The following PCDH15 variants were observed in gnomAD, a reference collection of about 807,000 sequenced individuals.
PCDH15 encodes protocadherin related 15.
PCDH15 carries 129 observed loss-of-function variants against 178.5 expected under a neutral mutation model. That is an observed-to-expected ratio of 0.72 (90% CI 0.63 to 0.84). PCDH15 has a LOEUF of 0.84. Ranked by LOEUF, PCDH15 falls within the 40% of genes least tolerant of loss-of-function variation. PCDH15 has a pLI of 0.00. For synonymous variants in PCDH15, 800 were observed against 732.0 expected, an observed-to-expected ratio of 1.09 and a Z score of -1.50; for missense variants, 2,230 against 2,099.9, an observed-to-expected ratio of 1.06 and a Z score of -1.21.
intron 5 of PCDH15, among the ~76,000 whole-genome samples, chr10:54,351,474 A>C (rs1944173193): frequency 6.6e-6 from 1 of 152,118 alleles, no homozygotes; most frequent in Non-Finnish European, 1.5e-5. Context: ...CAATTGTAGA[A>C]ACTGGTTCAT....
intron 1 of PCDH15, among the ~76,000 whole-genome samples, chr10:54,775,783 G>A (rs893469653): frequency 1.3e-5 from 2 of 152,158 alleles, no homozygotes; most frequent in African/African-American, 4.8e-5. Flanking sequence ...TACTCGGAGA[G>A]GCTGAGGCAG....
intron 1 of PCDH15, among the ~76,000 whole-genome samples, chr10:54,675,083 C>T (rs1302665550): frequency 2.0e-5 from 3 of 152,050 alleles, no homozygotes; most frequent in Non-Finnish European, 4.4e-5. Flanking sequence ...AGTGTCAATG[C>T]TAATTGTATG....
At chr10:54,965,748 T>C (rs1001138128) in intron 2 of PCDH15, among the ~76,000 whole-genome samples, 3 of 150,848 alleles carry the variant, frequency 2.0e-5, no homozygotes, top group African/African-American at 7.3e-5. Flanking sequence ...GTAATCCTGA[T>C]TAAAAACAAC....
chr10:55,305,481 C>A (rs913097142), intron 1 of PCDH15, among the ~76,000 whole-genome samples: 1 of 152,146 alleles, frequency 6.6e-6, no homozygotes, highest in Non-Finnish European at 1.5e-5. Context: ...CAGCTGAGGC[C>A]CCCAGGCACT....
At chr10:55,100,728 T>G (rs1422633415) in intron 2 of PCDH15, among the ~76,000 whole-genome samples, 1 of 152,104 alleles carries the variant, frequency 6.6e-6, no homozygotes, top group Non-Finnish European at 1.5e-5. Flanking sequence ...GGCATAAATC[T>G]ATTCATGAGG....
chr10:55,462,587 A>G (rs943920963), intron 2 of PCDH15, among the ~76,000 whole-genome samples: 1 of 152,160 alleles, frequency 6.6e-6, no homozygotes, highest in Admixed American at 6.5e-5. Flanking sequence ...ATCCAAAGGA[A>G]ATGTATGTAA....
chr10:54,954,717 A>G (rs898327188), intron 2 of PCDH15, among the ~76,000 whole-genome samples: 1 of 151,276 alleles, frequency 6.6e-6, no homozygotes, highest in Admixed American at 6.6e-5. Context: ...TAGCTCTGGT[A>G]GGATTTTATA....
chr10:54,826,324 T>C (rs1953131995), intron 3 of PCDH15, among the ~76,000 whole-genome samples: 1 of 151,976 alleles, frequency 6.6e-6, no homozygotes, highest in South Asian at 2.1e-4. Context: ...GACATAAAGA[T>C]AGTTTAATAA....
intron 2 of PCDH15, among the ~76,000 whole-genome samples, chr10:54,654,598 A>G (rs1455555283): frequency 6.6e-6 from 1 of 152,216 alleles, no homozygotes; most frequent in African/African-American, 2.4e-5. Context: ...AAGAACTGGT[A>G]GCAACAGATA....
intron 8 of PCDH15, among the ~76,000 whole-genome samples, chr10:54,256,740 A>C (rs1199152231): frequency 6.6e-6 from 1 of 151,972 alleles, no homozygotes; most frequent in East Asian, 1.9e-4. Flanking sequence ...TTCCTTTTCC[A>C]GGTTTTTCAT....
chr10:53,965,325 TGAG>T (rs1482717624), intron 21 of PCDH15, among the ~76,000 whole-genome samples: 1 of 152,170 alleles, frequency 6.6e-6, no homozygotes, highest in Non-Finnish European at 1.5e-5. Context: ...TCCAAAGGGC[TGAG>T]ATTACAGGCG....
chr10:54,838,418 G>A (rs1202088336), intron 3 of PCDH15, among the ~76,000 whole-genome samples: 1 of 152,124 alleles, frequency 6.6e-6, no homozygotes, highest in Non-Finnish European at 1.5e-5. Flanking sequence ...TATGCAAGAG[G>A]TGCCTTTGCT....
At chr10:53,948,281 T>A (rs771568661) in intron 23 of PCDH15, among the ~76,000 whole-genome samples, 1 of 152,200 alleles carries the variant, frequency 6.6e-6, no homozygotes, top group South Asian at 2.1e-4. Context: ...ATGGATATAT[T>A]AAAGTAGCAA....
At chr10:55,051,166 A>G (rs2131987802) in intron 2 of PCDH15, among the ~76,000 whole-genome samples, 1 of 152,208 alleles carries the variant, frequency 6.6e-6, no homozygotes, top group South Asian at 2.1e-4. Context: ...CATATATTAA[A>G]TAATGCAATT....
chr10:54,006,285 C>G (rs1201241365), intron 20 of PCDH15, among the ~76,000 whole-genome samples: 5 of 152,012 alleles, frequency 3.3e-5, no homozygotes, highest in Admixed American at 3.3e-4. Flanking sequence ...AAGAACACAC[C>G]AATAGGAATC....
chr10:55,104,236 A>C (rs1038110292), intron 2 of PCDH15, among the ~76,000 whole-genome samples: 3 of 152,068 alleles, frequency 2.0e-5, no homozygotes, highest in African/African-American at 7.2e-5. Flanking sequence ...ATGCATTAAA[A>C]ACCCATTCAT....
In PCDH15 at chr10:55,317,444, A is replaced by T. The variant is rs978362579; in HGVS notation, c.-156+2155T>A. Among the ~76,000 whole-genome samples the T allele has an allele frequency of 3.9e-5, 6 of 152,050 alleles. No homozygotes were observed. The East Asian group carries it at 1.2e-3, about 30-fold the overall frequency. ...ATATCTTACCCTTTTAATGATTTTAACAACTCCAGGATATGCAAGAGAGGC... is the reference window on the plus strand; with the variant it reads ...ATATCTTACCCTTTTAATGATTTTATCAACTCCAGGATATGCAAGAGAGGC... On this transcript the variant is annotated intron_variant, in intron 1 of 5. Transcript: ENST00000458638.
intron 29 of PCDH15, among the ~76,000 whole-genome samples, chr10:53,834,326 GT>G (rs36054118): frequency 0.079 from 12,002 of 152,098 alleles, 556 homozygotes; most frequent in African/African-American, 0.1. Flanking sequence ...ATGTTAAACT[GT>G]TTTCCAATGG....
chr10:53,897,301 G>A (rs10763021), intron 26 of PCDH15, among the ~76,000 whole-genome samples: 97,449 of 151,766 alleles, frequency 0.64, 32,392 homozygotes, highest in East Asian at 0.87. Flanking sequence ...GTTTAAAAAC[G>A]CAGTACATAG....
Sources: allele counts gnomAD v4.1 joint callset (sites outside exome capture counted in the v4.1 genomes callset), GRCh38; gene constraint gnomAD v4.1.1; transcripts MANE v1.5; gene names NCBI Gene and HGNC (gene_info 2026-07-23, HGNC 2026-07-21).